SEPTIN4: variants seen among roughly 807,000 people sequenced by gnomAD.
SEPTIN4 encodes septin 4, also known as septin-4.
Under a neutral mutation model 107.1 loss-of-function variants are expected in SEPTIN4, and 52 were observed. That is an observed-to-expected ratio of 0.49 (90% confidence interval 0.39 to 0.61). The LOEUF (loss-of-function observed/expected upper bound fraction) is 0.61, where lower values mean the gene tolerates loss of function less well. Ranked by LOEUF, SEPTIN4 falls within the 20% of genes least tolerant of loss-of-function variation. The pLI is 0.00. For missense variants in SEPTIN4, 1,048 were observed against 1,243.5 expected, an observed-to-expected ratio of 0.84 and a Z score of 2.36; for synonymous variants, 417 against 467.0, an observed-to-expected ratio of 0.89 and a Z score of 1.38.
At chr17:58,529,471 T>C in intron 3 of SEPTIN4, 1 of 1,309,782 alleles carries the variant, frequency 7.6e-7, no homozygotes, top group Non-Finnish European at 9.8e-7. Context: ...TCTGATTGGC[T>C]GTCCCATGAC....
chr17:58,530,407 C>A (rs2043355082), intron 3 of SEPTIN4: 1 of 152,258 alleles, frequency 6.6e-6, no homozygotes, highest in South Asian at 2.1e-4. Flanking sequence ...GGGTCTCCCC[C>A]ACTGATTCCC....
chr17:58,521,775 G>C lies in SEPTIN4; in HGVS notation c.2430C>G (p.Asp810Glu). 1 of 1,614,246 alleles carries C rather than the reference G, an allele frequency of 6.2e-7. No individual in the cohort carries two copies. Among genetic ancestry groups the C allele is most frequent in the Non-Finnish European group, 8.5e-7 (1 of 1,180,046 alleles). Reference sequence around the variant, plus strand: ...GGTCCACTTCGGGAGGTGTCAGTGTGTCTGCCTTAGCCAGGATAGGCACGA... The same window carrying C: ...GGTCCACTTCGGGAGGTGTCAGTGTCTCTGCCTTAGCCAGGATAGGCACGA... ...VNIVPILAKADTLTPPEVDHK... is the reference protein window; with the variant it reads ...VNIVPILAKAETLTPPEVDHK... The change falls in exon 9 of 14, where the codon GAC becomes GAG. Residue 810 changes from aspartate to glutamate, a missense_variant. By Grantham distance (45) the Asp-to-Glu change is conservative. Coordinates refer to ENST00000672673, the MANE Select transcript of SEPTIN4 (RefSeq NM_001368771.2). The surrounding 1 kb of genome is among the most constrained non-coding windows in gnomAD (Gnocchi z 6.4).
chr17:58,533,881 T>C (rs1193530922), intron 3 of SEPTIN4, among the ~76,000 whole-genome samples: 1 of 152,104 alleles, frequency 6.6e-6, no homozygotes, highest in African/African-American at 2.4e-5. Flanking sequence ...TGGCCTAGGG[T>C]AAGGAGAAAG....
intron 3 of SEPTIN4, chr17:58,539,360 A>G: frequency 3.8e-6 from 2 of 526,248 alleles, no homozygotes; most frequent in Non-Finnish European, 6.8e-6. Context: ...AAAACATCAA[A>G]TCTTGACTGA....
Position 58,520,441 on chromosome 17 carries a change from C to A in SEPTIN4, c.2976G>T (p.Met992Ile), listed in dbSNP as rs1456953046. The change falls in exon 14 of 14, where the codon ATG (methionine) becomes ATT (isoleucine). Residue 992 changes from methionine to isoleucine, a missense_variant. By Grantham distance (10) the Met-to-Ile change is conservative. Transcript: ENST00000672673. The part of the protein sequence containing the change: ...QEMLHKIQKQ[M>I]KENY ...TGAAAGCCAGTTAATAGTTCTCCTT[C>A]ATCTGTTTTTGTATTTTGTGTAGCA... The A allele has an allele frequency of 6.2e-7, 1 of 1,613,222 alleles. No homozygotes were observed. The highest frequency in any genetic ancestry group is 1.7e-5 in the Admixed American group (1 of 59,994).
Position 58,520,994 on chromosome 17 carries a change from A to C in SEPTIN4, c.2831+4T>G. 1.9e-6 allele frequency: 3 copies of C among 1,613,934 alleles called. No homozygotes were observed. The highest frequency in any genetic ancestry group is 2.5e-6 in the Non-Finnish European group (3 of 1,179,988). On this transcript the variant is annotated splice_donor_region_variant and intron_variant, in intron 12 of 13. Coordinates refer to ENST00000672673, the MANE Select transcript of SEPTIN4 (RefSeq NM_001368771.2). Reference sequence around the variant, plus strand: ...GCCAGCTTTGTCCTGGCTTCTGGTCATACTTGCGATTCCGTTCCTTCACCA... The same window carrying C: ...GCCAGCTTTGTCCTGGCTTCTGGTCCTACTTGCGATTCCGTTCCTTCACCA...
Position 58,543,600 on chromosome 17 carries a change from T to G in SEPTIN4, c.587A>C (p.Tyr196Ser), listed in dbSNP as rs773283541. 1.9e-6 allele frequency: 3 copies of G among 1,614,204 alleles called. No homozygotes were observed. Among genetic ancestry groups the G allele is most frequent in the Non-Finnish European group, 2.5e-6 (3 of 1,180,042 alleles). Reference sequence around the variant, plus strand: ...AGTTTGTACTGCTTCATCCTTTGGGTAAGACAAAATCCTACGGGGAACTCT... The same window carrying G: ...AGTTTGTACTGCTTCATCCTTTGGGGAAGACAAAATCCTACGGGGAACTCT... ...GVRVPRRILS[Y>S]PKDEAVQTEP... Residue 196 changes from tyrosine to serine, a missense_variant, in exon 1 of 14, where the codon TAC becomes TCC. Around this residue, in one of 2 missense-constraint regions of SEPTIN4, gnomAD observed 787 missense variants for 871.8 expected, o/e 0.90. Transcript: ENST00000672673.
chr17:58,527,384 A>G (rs1009817817), intron 3 of SEPTIN4: 3 of 369,068 alleles, frequency 8.1e-6, no homozygotes, highest in Non-Finnish European at 1.6e-5. Flanking sequence ...TAGAGCAGAC[A>G]GAGGCATTAA....
intron 6 of SEPTIN4, 106 bp downstream of exon 6, chr17:58,525,589 G>A: frequency 1.0e-6 from 1 of 992,190 alleles, no homozygotes; most frequent in Non-Finnish European, 1.6e-6. Flanking sequence ...AGTCTCTCTA[G>A]GAGGCCATGG....
At chr17:58,531,931 C>A in intron 3 of SEPTIN4, 1 of 1,142,026 alleles carries the variant, frequency 8.8e-7, no homozygotes, top group South Asian at 4.2e-5. Context: ...AGCCCTGCCC[C>A]GCGCCCGCCC....
chr17:58,523,954 C>G (rs561282587), intron 7 of SEPTIN4, among the ~76,000 whole-genome samples: 1 of 151,980 alleles, frequency 6.6e-6, no homozygotes, highest in Non-Finnish European at 1.5e-5. Flanking sequence ...TGGAGGTACA[C>G]TTTAAACTGT....
chr17:58,533,688 GA>G (rs2043610172), intron 3 of SEPTIN4, among the ~76,000 whole-genome samples: 1 of 152,006 alleles, frequency 6.6e-6, no homozygotes, highest in Admixed American at 6.5e-5. Flanking sequence ...CTGTACTCAG[GA>G]AAACAAAGAC....
At chr17:58,528,950 G>A (rs976668278) in intron 3 of SEPTIN4, among the ~76,000 whole-genome samples, 3 of 152,184 alleles carry the variant, frequency 2.0e-5, no homozygotes, top group Admixed American at 1.3e-4. Context: ...GGCCACAGGG[G>A]CTCTAGACAA....
At chr17:58,531,890 C>A in intron 3 of SEPTIN4, 1 of 1,115,342 alleles carries the variant, frequency 9.0e-7, no homozygotes, top group Non-Finnish European at 1.1e-6. Flanking sequence ...CCCCTTGCAG[C>A]CGCCCGGGAG....
At chr17:58,523,645 C>T (rs553068328) in intron 7 of SEPTIN4, among the ~76,000 whole-genome samples, 42 of 151,922 alleles carry the variant, frequency 2.8e-4, no homozygotes, top group Non-Finnish European at 3.1e-4. Flanking sequence ...AAAATGTCCA[C>T]CACAGGCTGG....
rs577450768 is a variant in SEPTIN4, at chr17:58,543,622, C to T, written c.565G>A (p.Val189Ile). Residue 189 changes from valine to isoleucine, a missense_variant, in exon 1 of 14, where the codon GTT (valine) becomes ATT (isoleucine). Physicochemically the swap from Val to Ile is conservative, Grantham distance 29. Around this residue, in one of 2 missense-constraint regions of SEPTIN4, gnomAD observed 787 missense variants for 871.8 expected, o/e 0.90. Transcript: ENST00000672673. ...GGGTAAGACAAAATCCTACGGGGAA[C>T]TCTGACTCCTTGGGGGTTCTGGACC... ...SKVQNPQGVR[V>I]PRRILSYPKD... 174 of 1,614,228 alleles carry T rather than the reference C, an allele frequency of 1.1e-4. 2 individuals are homozygous for T. In the South Asian group the frequency reaches 1.8e-3, roughly 16 times the overall value.
At chr17:58,526,550 G>C (rs2042896666) in intron 4 of SEPTIN4, 132 bp downstream of exon 4, 8 of 1,388,968 alleles carry the variant, frequency 5.8e-6, no homozygotes, top group Non-Finnish European at 7.4e-6. Flanking sequence ...GACTGAAATA[G>C]GTCCCAGATA....
chr17:58,531,766 A>T, intron 3 of SEPTIN4: 1 of 383,862 alleles, frequency 2.6e-6, no homozygotes, highest in Non-Finnish European at 3.8e-6. Context: ...GGCTGCTCAG[A>T]GGGAAAAACT....
chr17:58,522,720 C>T (rs1036859169), intron 7 of SEPTIN4, among the ~76,000 whole-genome samples: 5 of 151,524 alleles, frequency 3.3e-5, no homozygotes, highest in Non-Finnish European at 5.9e-5. Flanking sequence ...AGGCAAATAC[C>T]AACTGGAAGC....
Sources: allele counts gnomAD v4.1 joint callset (sites outside exome capture counted in the v4.1 genomes callset), GRCh38; gene constraint gnomAD v4.1.1; regional missense constraint gnomAD v4.1.1; non-coding constraint Gnocchi (gnomAD v3.1); transcripts MANE v1.5; gene names NCBI Gene and HGNC (gene_info 2026-07-23, HGNC 2026-07-21).